Variants in ST6GALNAC3 observed in about 807,000 individuals in gnomAD.
ST6GALNAC3 encodes the protein ST6 N-acetylgalactosaminide alpha-2,6-sialyltransferase 3, also known as alpha-N-acetylgalactosaminide alpha-2,6-sialyltransferase 3.
A neutral mutation model predicts 32.7 loss-of-function variants in ST6GALNAC3; 25 were observed. The ratio of observed to expected loss-of-function variants is 0.76; its 90% CI spans 0.56 to 1.07. The LOEUF is 1.07. Among genes scored for constraint, ST6GALNAC3 ranks in the 50% least tolerant of loss-of-function variants. ST6GALNAC3 has a pLI of 0.00. For missense variants in ST6GALNAC3, 355 were observed against 382.4 expected (o/e 0.93, Z 0.60); for synonymous variants, 129 against 133.1 (o/e 0.97, Z 0.21).
At chr1:76,383,029 A>G (rs188215458) in intron 2 of ST6GALNAC3, among the ~76,000 whole-genome samples, 5 of 152,330 alleles carry the variant, frequency 3.3e-5, no homozygotes, top group African/African-American at 1.2e-4. Context: ...AACAAAACAA[A>G]AAAAACCAAT....
At chr1:76,450,103 T>G (rs1442957948) in intron 3 of ST6GALNAC3, among the ~76,000 whole-genome samples, 1 of 152,202 alleles carries the variant, frequency 6.6e-6, no homozygotes, top group Non-Finnish European at 1.5e-5. Context: ...GCAGTGGGAT[T>G]GCTGGATCAA....
chr1:76,378,036 T>G (rs1571019081), intron 2 of ST6GALNAC3, among the ~76,000 whole-genome samples: 1 of 152,318 alleles, frequency 6.6e-6, no homozygotes, highest in Non-Finnish European at 1.5e-5. Context: ...AAGGATAGAT[T>G]TCAGCATATC....
intron 3 of ST6GALNAC3, among the ~76,000 whole-genome samples, chr1:76,478,747 T>C: frequency 6.6e-6 from 1 of 150,694 alleles, no homozygotes; most frequent in Non-Finnish European, 1.5e-5. Flanking sequence ...TTCCTTCCCC[T>C]AGTTTATTAA....
chr1:76,093,537 A>G (rs566751659), intron 1 of ST6GALNAC3, among the ~76,000 whole-genome samples: 1 of 152,356 alleles, frequency 6.6e-6, no homozygotes, highest in South Asian at 2.1e-4. Flanking sequence ...TGGTCACGAA[A>G]GGAATCAGAA....
chr1:76,383,660 A>T (rs1651886771), intron 2 of ST6GALNAC3, among the ~76,000 whole-genome samples: 1 of 152,192 alleles, frequency 6.6e-6, no homozygotes, highest in Non-Finnish European at 1.5e-5. Flanking sequence ...AATGAAGAGT[A>T]AGAGAAAGGT....
intron 3 of ST6GALNAC3, among the ~76,000 whole-genome samples, chr1:76,584,718 C>T (rs754442969): frequency 6.6e-6 from 1 of 152,188 alleles, no homozygotes; most frequent in Non-Finnish European, 1.5e-5. Context: ...TGGCATGAGT[C>T]ATGCTAGCTC....
At chr1:76,342,226 G>T (rs540521914) in intron 2 of ST6GALNAC3, among the ~76,000 whole-genome samples, 1 of 152,278 alleles carries the variant, frequency 6.6e-6, no homozygotes, top group African/African-American at 2.4e-5. Context: ...AATATAACCA[G>T]TAATGGGATT....
intron 3 of ST6GALNAC3, among the ~76,000 whole-genome samples, chr1:76,506,877 T>C (rs1661510395): frequency 6.6e-6 from 1 of 152,196 alleles, no homozygotes. Context: ...TATATGAATG[T>C]TGACATAGTG....
chr1:76,443,441 C>CT (rs1357472137), intron 3 of ST6GALNAC3, among the ~76,000 whole-genome samples: 2 of 152,164 alleles, frequency 1.3e-5, no homozygotes, highest in Non-Finnish European at 2.9e-5. Flanking sequence ...CCTACTCGGC[C>CT]TTAAGAGTGA....
intron 1 of ST6GALNAC3, among the ~76,000 whole-genome samples, chr1:76,175,697 A>G (rs575900902): frequency 6.6e-5 from 10 of 152,314 alleles, no homozygotes; most frequent in African/African-American, 2.4e-4. Flanking sequence ...CCCCAGGTCA[A>G]TGCTTTGCCA....
At chr1:76,077,912 T>A (rs965017031) in intron 1 of ST6GALNAC3, among the ~76,000 whole-genome samples, 1 of 152,220 alleles carries the variant, frequency 6.6e-6, no homozygotes, top group Non-Finnish European at 1.5e-5. Flanking sequence ...ATTGACCCCA[T>A]TCTCAAATGG....
At chr1:76,416,982 A>C (rs1211831906) in intron 3 of ST6GALNAC3, among the ~76,000 whole-genome samples, 2 of 152,118 alleles carry the variant, frequency 1.3e-5, no homozygotes, top group African/African-American at 2.4e-5. Context: ...AAGCAGTAGA[A>C]GAAATATGTA....
intron 2 of ST6GALNAC3, among the ~76,000 whole-genome samples, chr1:76,376,232 TGAG>T (rs1651216702): frequency 6.6e-6 from 1 of 152,196 alleles, no homozygotes; most frequent in Admixed American, 6.5e-5. Flanking sequence ...ACATCTTATG[TGAG>T]GAGTTTAATG....
chr1:76,304,601 A>G (rs1227321646), intron 1 of ST6GALNAC3, among the ~76,000 whole-genome samples: 2 of 152,082 alleles, frequency 1.3e-5, no homozygotes, highest in Non-Finnish European at 2.9e-5. Flanking sequence ...TGAAACATGG[A>G]GGACAGGAAA....
rs1472545640 is a variant in ST6GALNAC3, at chr1:76,494,468, T to TATATATACACAC, written c.623+82052_623+82053insTATATACACACA. 1.2e-3 allele frequency among the ~76,000 whole-genome samples: 73 copies of TATATATACACAC among 59,534 alleles called. 5 individuals are homozygous for TATATATACACAC. Among genetic ancestry groups the TATATATACACAC allele is most frequent in the Admixed American group, 2.5e-3 (11 of 4,472 alleles). The allele number at this position is 59,534 out of a possible 152,430, so 39.1% of individuals were successfully genotyped here. The stretch of plus-strand genomic sequence containing the variant: ...ATATATATATATATATATATATATA[T>TATATATACACAC]ACACACACACACACACACTTTCCCT... On this transcript the variant is annotated intron_variant, in intron 3 of 4. Transcript: ENST00000328299.
At chr1:76,613,602 G>A (rs556163614) in intron 3 of ST6GALNAC3, among the ~76,000 whole-genome samples, 55 of 152,358 alleles carry the variant, frequency 3.6e-4, no homozygotes, top group African/African-American at 1.3e-3. Flanking sequence ...CTGGTGGGAG[G>A]TGACCGGATC....
intron 3 of ST6GALNAC3, among the ~76,000 whole-genome samples, chr1:76,530,136 A>C (rs1663165374): frequency 6.6e-6 from 1 of 152,304 alleles, no homozygotes; most frequent in South Asian, 2.1e-4. Context: ...AGAATCCACA[A>C]ACCTCGGTGA....
At chr1:76,148,141 G>A (rs1272927085) in intron 1 of ST6GALNAC3, among the ~76,000 whole-genome samples, 5 of 152,090 alleles carry the variant, frequency 3.3e-5, no homozygotes, top group African/African-American at 9.7e-5. Context: ...TAACCCCCAC[G>A]TGTGCCTCAG....
chr1:76,308,815 T>A (rs1286902782), intron 1 of ST6GALNAC3, among the ~76,000 whole-genome samples: 1 of 152,198 alleles, frequency 6.6e-6, no homozygotes, highest in African/African-American at 2.4e-5. Flanking sequence ...TATACATTTA[T>A]CCTTTCATTA....
Sources: gnomAD v4.1 joint callset for allele counts (sites outside exome capture counted in the v4.1 genomes callset) on GRCh38, gnomAD v4.1.1 for gene constraint, MANE v1.5 for transcripts, NCBI Gene and HGNC (gene_info 2026-07-23, HGNC 2026-07-21) for gene names.